MCTP1: variants seen among roughly 807,000 people sequenced by gnomAD.
MCTP1 encodes the protein multiple C2 and transmembrane domain-containing protein 1.
In MCTP1, 69 loss-of-function variants were observed where a neutral mutation model predicts 120.6. The observed-to-expected ratio is 0.57, with a 90% CI of 0.47 to 0.70. MCTP1 has a LOEUF of 0.70. Among genes scored for constraint, MCTP1 ranks in the 30% least tolerant of loss-of-function variants. The pLI is 0.00. For synonymous variants in MCTP1, 529 were observed against 493.1 expected (o/e 1.07, Z -0.96); for missense variants, 1,203 against 1,248.8 (o/e 0.96, Z 0.55).
intron 17 of MCTP1, among the ~76,000 whole-genome samples, chr5:94,862,555 C>G (rs1426975631): frequency 6.6e-6 from 1 of 151,756 alleles, no homozygotes; most frequent in Non-Finnish European, 1.5e-5. Flanking sequence ...GGAAAGATTA[C>G]AGAAAATATT....
intron 2 of MCTP1, among the ~76,000 whole-genome samples, chr5:94,986,381 A>G (rs1018643798): frequency 1.3e-5 from 2 of 152,092 alleles, no homozygotes; most frequent in African/African-American, 4.8e-5. Context: ...GTAATCCTGG[A>G]CCTCTGCTAA....
rs540574869 is a variant in MCTP1 at position 95,179,621 on chromosome 5, C to T, written c.720+104235G>A. On this transcript the variant is annotated intron_variant, in intron 1 of 22. Coordinates refer to ENST00000515393, the MANE Select transcript of MCTP1 (RefSeq NM_024717.7). ...AAGATACAGTCTTTTCCAGACATAA[C>T]AAATGCTGAGAGAATTCACCACTAC... 3.3e-5 allele frequency among the ~76,000 whole-genome samples: 5 copies of T among 152,254 alleles called. No homozygotes were observed. In the East Asian group the frequency reaches 7.7e-4, roughly 24 times the overall value.
rs186482477 is a variant in MCTP1, at chr5:95,034,666, A to T, written c.721-17182T>A. On this transcript the variant is annotated intron_variant, in intron 1 of 22. Transcript: ENST00000515393. ...AACTGTTCTGGATATTGACTTATGC[A>T]AATAATTTAAGGTGAAGACTTCAAA... 3.3e-5 allele frequency among the ~76,000 whole-genome samples: 5 copies of T among 152,184 alleles called. No homozygotes were observed. In the South Asian group the frequency reaches 6.2e-4, roughly 19 times the overall value.
chr5:95,090,880 G>C (rs912138118), intron 1 of MCTP1, among the ~76,000 whole-genome samples: 1 of 152,054 alleles, frequency 6.6e-6, no homozygotes, highest in African/African-American at 2.4e-5. Flanking sequence ...AAGTCATTGA[G>C]CCCTCTGCAC....
chr5:94,917,693 A>G (rs780367573), intron 8 of MCTP1, among the ~76,000 whole-genome samples: 15 of 152,246 alleles, frequency 9.9e-5, no homozygotes, highest in Non-Finnish European at 2.1e-4. Context: ...ATCTTTAGTA[A>G]GATTTTAGAA....
chr5:95,252,782 C>A (rs938836095), intron 1 of MCTP1, among the ~76,000 whole-genome samples: 1 of 151,926 alleles, frequency 6.6e-6, no homozygotes, highest in African/African-American at 2.4e-5. Flanking sequence ...GAGTCATATT[C>A]TTAATTCTCA....
chr5:95,213,027 G>A (rs1440121036), intron 1 of MCTP1, among the ~76,000 whole-genome samples: 1 of 152,174 alleles, frequency 6.6e-6, no homozygotes, highest in East Asian at 1.9e-4. Flanking sequence ...AATTAGGCAG[G>A]AGAAGGAAAT....
At chr5:95,280,276 T>C (rs1440744991) in intron 1 of MCTP1, among the ~76,000 whole-genome samples, 2 of 152,246 alleles carry the variant, frequency 1.3e-5, no homozygotes, top group African/African-American at 4.8e-5. Context: ...TCAAAACATA[T>C]CTAACATACA....
intron 19 of MCTP1, among the ~76,000 whole-genome samples, chr5:94,762,365 G>T (rs1335798189): frequency 1.3e-5 from 2 of 152,158 alleles, no homozygotes; most frequent in Admixed American, 6.5e-5. Flanking sequence ...AAAAAAGCAT[G>T]GTTACTATAT....
chr5:94,887,232 C>T (rs914466452), intron 12 of MCTP1, among the ~76,000 whole-genome samples: 4 of 152,132 alleles, frequency 2.6e-5, no homozygotes, highest in Non-Finnish European at 5.9e-5. Flanking sequence ...AATTATGTCT[C>T]ATTGAATCCC....
intron 1 of MCTP1, among the ~76,000 whole-genome samples, chr5:95,056,144 G>C (rs530850704): frequency 2.0e-5 from 3 of 152,168 alleles, no homozygotes; most frequent in Non-Finnish European, 4.4e-5. Flanking sequence ...TTATAAAATT[G>C]TGAATGTAAT....
At chr5:95,237,088 C>A (rs911377076) in intron 1 of MCTP1, among the ~76,000 whole-genome samples, 13 of 152,152 alleles carry the variant, frequency 8.5e-5, no homozygotes, top group African/African-American at 1.7e-4. Context: ...AACCTCCAGT[C>A]CCTCTTTTCA....
chr5:95,057,334 ATTCTTATTTT>A (rs1747676736), intron 1 of MCTP1, among the ~76,000 whole-genome samples: 1 of 152,194 alleles, frequency 6.6e-6, no homozygotes, highest in Non-Finnish European at 1.5e-5. Flanking sequence ...TATTTTGAAA[ATTCTTATTTT>A]TCCTGCAGTG....
chr5:94,808,403 C>T (rs550640857), intron 17 of MCTP1, among the ~76,000 whole-genome samples: 4 of 152,264 alleles, frequency 2.6e-5, no homozygotes, highest in South Asian at 4.1e-4. Context: ...CTAAAGTACA[C>T]GGTAGCAGGG....
At chr5:94,885,631 G>A (rs1206491799) in intron 12 of MCTP1, among the ~76,000 whole-genome samples, 2 of 114,334 alleles carry the variant, frequency 1.7e-5, no homozygotes, top group East Asian at 3.0e-4. Flanking sequence ...TCCTCACAAC[G>A]TGTAGAGTTT....
chr5:94,798,806 C>T (rs1193022534), intron 18 of MCTP1, among the ~76,000 whole-genome samples: 10 of 152,004 alleles, frequency 6.6e-5, no homozygotes, highest in Admixed American at 6.6e-4. Flanking sequence ...TAGTTTCTAC[C>T]AGGAGGAGTA....
chr5:95,004,813 G>A (rs1458099980), intron 2 of MCTP1, among the ~76,000 whole-genome samples: 1 of 152,224 alleles, frequency 6.6e-6, no homozygotes, highest in African/African-American at 2.4e-5. Flanking sequence ...TCCCCATGGA[G>A]AACCTCTACT....
intron 19 of MCTP1, among the ~76,000 whole-genome samples, chr5:94,754,636 G>A (rs759279729): frequency 2.6e-5 from 4 of 152,160 alleles, no homozygotes; most frequent in African/African-American, 9.7e-5. Context: ...TAAACAGTCC[G>A]ATCAGTCTTT....
intron 17 of MCTP1, among the ~76,000 whole-genome samples, chr5:94,799,550 G>C (rs552838108): frequency 6.6e-6 from 1 of 151,924 alleles, no homozygotes; most frequent in African/African-American, 2.4e-5. Context: ...AAAAAATCTC[G>C]CTTGGATAAT....
Sources: gnomAD v4.1 joint callset for allele counts (sites outside exome capture counted in the v4.1 genomes callset) on GRCh38, gnomAD v4.1.1 for gene constraint, MANE v1.5 for transcripts, NCBI Gene and HGNC (gene_info 2026-07-23, HGNC 2026-07-21) for gene names.